SUMF1: variants seen among roughly 807,000 people sequenced by gnomAD.
SUMF1 encodes sulfatase modifying factor 1.
In SUMF1, 48 loss-of-function variants were observed where a neutral mutation model predicts 47.6. The observed-to-expected ratio is 1.01, with a 90% confidence interval of 0.80 to 1.28. The LOEUF (loss-of-function observed/expected upper bound fraction) is 1.28. Ranked by LOEUF, SUMF1 falls within the 50% of genes most tolerant of loss-of-function variation. The pLI is 0.00. For missense variants in SUMF1, 571 were observed against 485.4 expected (o/e 1.18, Z -1.66); for synonymous variants, 230 against 192.1 (o/e 1.20, Z -1.63).
chr3:4,334,004 C>T (rs1699098868), intron 8 of SUMF1, among the ~76,000 whole-genome samples: 1 of 151,810 alleles, frequency 6.6e-6, no homozygotes, highest in South Asian at 2.1e-4. Flanking sequence ...TGGTGCACAC[C>T]TGTAGTATCA....
At chr3:4,076,741 T>C (rs1559450497) in intron 8 of SUMF1, among the ~76,000 whole-genome samples, 1 of 152,148 alleles carries the variant, frequency 6.6e-6, no homozygotes, top group Non-Finnish European at 1.5e-5. Flanking sequence ...GGCTCACGCC[T>C]GTAATCCCAG....
intron 8 of SUMF1, among the ~76,000 whole-genome samples, chr3:4,160,109 A>G (rs1291165486): frequency 6.6e-6 from 1 of 152,034 alleles, no homozygotes; most frequent in Admixed American, 6.5e-5. Context: ...CTAGGTTTGG[A>G]AAACTCTCTG....
At chr3:4,071,196 AG>A (rs1283938957) in intron 8 of SUMF1, among the ~76,000 whole-genome samples, 1 of 152,148 alleles carries the variant, frequency 6.6e-6, no homozygotes, top group Non-Finnish European at 1.5e-5. Context: ...ATGGCTGAAT[AG>A]GAACAGCTCC....
At chr3:4,262,844 A>G (rs1697115039) in intron 8 of SUMF1, among the ~76,000 whole-genome samples, 1 of 152,206 alleles carries the variant, frequency 6.6e-6, no homozygotes, top group Non-Finnish European at 1.5e-5. Context: ...CACATGGTCC[A>G]AGAGTAGTTT....
chr3:4,146,478 T>C (rs772035467), intron 8 of SUMF1, among the ~76,000 whole-genome samples: 4 of 151,970 alleles, frequency 2.6e-5, no homozygotes, highest in African/African-American at 4.8e-5. Flanking sequence ...TGTCAGCATA[T>C]GAAAAAGTAG....
intron 8 of SUMF1, among the ~76,000 whole-genome samples, chr3:4,310,329 T>G (rs1698355346): frequency 6.6e-6 from 1 of 152,210 alleles, no homozygotes; most frequent in African/African-American, 2.4e-5. Flanking sequence ...CATAATCAGA[T>G]GTTAAATTAG....
At chr3:4,189,780 C>T (rs965727747) in intron 8 of SUMF1, among the ~76,000 whole-genome samples, 3 of 152,098 alleles carry the variant, frequency 2.0e-5, no homozygotes, top group African/African-American at 7.2e-5. Context: ...ATCCTCTGTA[C>T]CCTTTGGATC....
chr3:4,098,922 C>T (rs1049721534), intron 8 of SUMF1, among the ~76,000 whole-genome samples: 2 of 152,114 alleles, frequency 1.3e-5, no homozygotes, highest in Admixed American at 6.5e-5. Context: ...ATTCGAGACT[C>T]ATTAAGCAGA....
In SUMF1 at chr3:4,392,593, A is replaced by ATGTG. The variant is rs764280676; in HGVS notation, c.955-16208_955-16205dup. Among the ~76,000 whole-genome samples, 558 of 140,868 alleles carry ATGTG rather than the reference A, an allele frequency of 4.0e-3. 1 individual carries two copies. Among genetic ancestry groups the ATGTG allele is most frequent in the Middle Eastern group, 0.019 (5 of 258 alleles). 92.4% of individuals were successfully genotyped at this position (140,868 alleles called of 152,430 possible). On this transcript the variant is annotated intron_variant, in intron 7 of 8. Transcript: ENST00000272902. ...TAAATGTTTATATGTTCAGATATAT[A>ATGTG]TGTGTGTGTGTGTGTGTGTGTGTAT...
At chr3:4,284,040 T>C (rs564753759) in intron 8 of SUMF1, among the ~76,000 whole-genome samples, 2 of 152,090 alleles carry the variant, frequency 1.3e-5, no homozygotes, top group Non-Finnish European at 2.9e-5. Flanking sequence ...CATATGAATT[T>C]TGGGAGGATA....
At chr3:4,238,353 C>G (rs573848799) in intron 8 of SUMF1, among the ~76,000 whole-genome samples, 8 of 152,274 alleles carry the variant, frequency 5.3e-5, no homozygotes, top group African/African-American at 1.9e-4. Context: ...AATTGCCATA[C>G]TGTTTTCCAC....
chr3:4,456,946 A>G (rs2079656155), intron 1 of SUMF1, among the ~76,000 whole-genome samples: 1 of 119,700 alleles, frequency 8.4e-6, no homozygotes, highest in Non-Finnish European at 1.8e-5. Flanking sequence ...GTGTGTGTAC[A>G]TATATACGTG....
intron 8 of SUMF1, among the ~76,000 whole-genome samples, chr3:4,344,356 T>C (rs145435038): frequency 6.6e-6 from 1 of 152,294 alleles, no homozygotes; most frequent in East Asian, 1.9e-4. Context: ...TCCAGCCTCC[T>C]TGAGTGACAT....
chr3:4,194,581 A>G (rs1394718012), intron 8 of SUMF1, among the ~76,000 whole-genome samples: 3 of 152,190 alleles, frequency 2.0e-5, no homozygotes, highest in Non-Finnish European at 4.4e-5. Flanking sequence ...ATTTACTATA[A>G]TGTATAATAA....
intron 8 of SUMF1, among the ~76,000 whole-genome samples, chr3:4,355,797 C>A (rs560734536): frequency 2.0e-5 from 3 of 152,170 alleles, no homozygotes; most frequent in Non-Finnish European, 2.9e-5. Flanking sequence ...GAACTGGAAT[C>A]GCCTTCTTCC....
chr3:4,419,395 TAG>T (rs1305835439), intron 4 of SUMF1, among the ~76,000 whole-genome samples: 2 of 152,216 alleles, frequency 1.3e-5, no homozygotes, highest in Non-Finnish European at 2.9e-5. Flanking sequence ...TTGTTAAAAA[TAG>T]AGACTTAAAA....
chr3:4,402,585 C>G (rs1428013610), intron 7 of SUMF1, among the ~76,000 whole-genome samples: 1 of 152,138 alleles, frequency 6.6e-6, no homozygotes, highest in African/African-American at 2.4e-5. Flanking sequence ...TTGCCTTGGG[C>G]CCTGTCCCAT....
intron 4 of SUMF1, among the ~76,000 whole-genome samples, chr3:4,418,665 G>T (rs918769362): frequency 6.6e-6 from 1 of 152,148 alleles, no homozygotes; most frequent in African/African-American, 2.4e-5. Context: ...TCCTGCTCTG[G>T]CCCCTGCTTT....
intron 8 of SUMF1, among the ~76,000 whole-genome samples, chr3:4,197,097 T>C (rs972265135): frequency 5.3e-5 from 8 of 152,078 alleles, no homozygotes; most frequent in African/African-American, 2.4e-5. Context: ...AAGGAGAATA[T>C]AGGCTTAGGA....
Sources: gnomAD v4.1 joint callset for allele counts (sites outside exome capture counted in the v4.1 genomes callset) on GRCh38, gnomAD v4.1.1 for gene constraint, MANE v1.5 for transcripts, NCBI Gene and HGNC (gene_info 2026-07-23, HGNC 2026-07-21) for gene names.